Variants in DPP6 observed in about 807,000 individuals in gnomAD.
DPP6 encodes dipeptidyl peptidase like 6, also known as A-type potassium channel modulatory protein DPP6.
DPP6 carries 69 observed loss-of-function variants against 122.6 expected under a neutral mutation model. The observed-to-expected ratio is 0.56, with a 90% CI of 0.46 to 0.69. The LOEUF is 0.69. Among genes scored for constraint, DPP6 ranks in the 30% least tolerant of loss-of-function variants. DPP6 has a pLI of 0.00. For synonymous variants in DPP6, 418 were observed against 433.1 expected (o/e 0.97, Z 0.43); for missense variants, 928 against 1,116.9 (o/e 0.83, Z 2.41).
chr7:153,918,333 C>CT (rs1800416228), intron 1 of DPP6, among the ~76,000 whole-genome samples: 1 of 151,762 alleles, frequency 6.6e-6, no homozygotes, highest in South Asian at 2.1e-4. Flanking sequence ...GTTTATAGAC[C>CT]TTTTTCAGTT....
chr7:154,233,019 G>C (rs1261191940), intron 1 of DPP6, among the ~76,000 whole-genome samples: 4 of 152,210 alleles, frequency 2.6e-5, no homozygotes, highest in African/African-American at 4.8e-5. Context: ...ATTGCCAGTT[G>C]CTGTGTTTTG....
At chr7:154,722,873 G>T (rs184337977) in intron 7 of DPP6, among the ~76,000 whole-genome samples, 2 of 152,268 alleles carry the variant, frequency 1.3e-5, no homozygotes, top group East Asian at 3.9e-4. Context: ...TCAGCATCCA[G>T]GATTTCTCAG....
At chr7:154,098,422 A>T in intron 1 of DPP6, among the ~76,000 whole-genome samples, 1 of 152,352 alleles carries the variant, frequency 6.6e-6, no homozygotes, top group South Asian at 2.1e-4. Flanking sequence ...TAATACAGGT[A>T]TCAAAGAATT....
At chr7:154,083,497 C>CAGGG (rs1804183900) in intron 1 of DPP6, among the ~76,000 whole-genome samples, 1 of 151,004 alleles carries the variant, frequency 6.6e-6, no homozygotes, top group Non-Finnish European at 1.5e-5. Flanking sequence ...TCACCCAAGC[C>CAGGG]TCCATCATGC....
rs769337862 is a variant in DPP6, at chr7:153,964,954, CTCTT to C, written c.51+77231_51+77234del. Among the ~76,000 whole-genome samples the C allele has an allele frequency of 5.0e-3, 288 of 58,166 alleles. 34 individuals carry two copies. The highest frequency in any genetic ancestry group is 0.023 in the African/African-American group (236 of 10,364). The allele number at this position is 58,166 out of a possible 152,430, so 38.2% of individuals were successfully genotyped here. A position where few individuals can be genotyped will look rare whatever the true frequency, so the allele number is the denominator to read the frequency against. ...TCTTTCTTTCTTTTTCTTTCTTTCT[CTCTT>C]TCTTTCTTTCATTTCTTTTCCCTTC... On this transcript the variant is annotated intron_variant, in intron 1 of 25. Transcript: ENST00000404039.
intron 6 of DPP6, among the ~76,000 whole-genome samples, chr7:154,662,798 A>G (rs80117070): frequency 6.3e-4 from 16 of 25,348 alleles, no homozygotes; most frequent in Admixed American, 1.2e-3. Flanking sequence ...TGTAGTCAAG[A>G]TGAATCACCA....
chr7:154,270,101 G>A (rs1275480968), intron 1 of DPP6, among the ~76,000 whole-genome samples: 2 of 152,160 alleles, frequency 1.3e-5, no homozygotes, highest in Non-Finnish European at 2.9e-5. Flanking sequence ...CGAGTTAAAG[G>A]GGGAGGATTG....
At chr7:154,279,143 G>C (rs1804341409) in intron 1 of DPP6, among the ~76,000 whole-genome samples, 4 of 151,954 alleles carry the variant, frequency 2.6e-5, no homozygotes, top group Admixed American at 2.6e-4. Flanking sequence ...GTATCTATGT[G>C]TGTGTGCAGT....
At chr7:153,917,004 T>C (rs573869063) in intron 1 of DPP6, among the ~76,000 whole-genome samples, 24 of 152,360 alleles carry the variant, frequency 1.6e-4, no homozygotes, top group African/African-American at 5.8e-4. Context: ...AGAGCTTTGC[T>C]TTTCACACTC....
At chr7:154,867,817 G>A (rs984007107) in intron 17 of DPP6, among the ~76,000 whole-genome samples, 178 bp from the exon 18 acceptor site, 2 of 152,180 alleles carry the variant, frequency 1.3e-5, no homozygotes, top group African/African-American at 4.8e-5. Flanking sequence ...AGGCTTTTGA[G>A]CGCATAACTT....
At chr7:154,265,888 C>T (rs754370408) in intron 1 of DPP6, among the ~76,000 whole-genome samples, 1 of 151,990 alleles carries the variant, frequency 6.6e-6, no homozygotes, top group Non-Finnish European at 1.5e-5. Context: ...AGCAAAAGAT[C>T]AGACAAAATA....
chr7:154,365,381 C>T (rs996696978), intron 1 of DPP6, among the ~76,000 whole-genome samples: 12 of 152,062 alleles, frequency 7.9e-5, no homozygotes, highest in Non-Finnish European at 1.5e-4. Context: ...GGACAAGGTG[C>T]GATCTCCACT....
intron 1 of DPP6, among the ~76,000 whole-genome samples, chr7:154,273,276 G>A (rs1803913010): frequency 6.6e-6 from 1 of 152,186 alleles, no homozygotes; most frequent in Non-Finnish European, 1.5e-5. Context: ...AATAGGAAAG[G>A]AAGAGCTTCT....
chr7:153,817,754 C>A, the DPP6 span, among the ~76,000 whole-genome samples: 25 of 109,916 alleles, frequency 2.3e-4, no homozygotes, highest in African/African-American at 7.9e-4. Flanking sequence ...CATCACACAC[C>A]AGGGCCTGTC....
intron 1 of DPP6, among the ~76,000 whole-genome samples, chr7:154,260,981 C>T (rs901105250): frequency 1.3e-5 from 2 of 151,822 alleles, no homozygotes; most frequent in African/African-American, 4.8e-5. Flanking sequence ...CCGTAATCTC[C>T]GCCTCCTGGG....
intron 3 of DPP6, among the ~76,000 whole-genome samples, chr7:154,531,005 G>A (rs776187066): frequency 2.6e-5 from 4 of 152,094 alleles, no homozygotes; most frequent in Non-Finnish European, 4.4e-5. Flanking sequence ...GAGGGGAGGC[G>A]TTGGGGGAGG....
chr7:153,922,034 C>T (rs148578947), intron 1 of DPP6, among the ~76,000 whole-genome samples: 3 of 152,292 alleles, frequency 2.0e-5, no homozygotes, highest in East Asian at 1.9e-4. Context: ...TCAGGCCCAG[C>T]AACCCAAGGG....
rs74495057 is a variant in DPP6 at position 154,478,950 on chromosome 7, TTTTGTTTG to T, written c.457+3929_457+3936del. On this transcript the variant is annotated intron_variant, in intron 3 of 25. Transcript: ENST00000377770. ...ACAGAGGAAGAGACTTGATTTTGTT[TTTTGTTTG>T]TTTGTTTGTTTGTTTTTTAGTACAC... Among the ~76,000 whole-genome samples, 32 of 150,722 alleles carry T rather than the reference TTTTGTTTG, an allele frequency of 2.1e-4. 1 individual carries two copies. The South Asian group carries it at 6.2e-3, about 29-fold the overall frequency.
chr7:153,894,043 A>G (rs1259177760), intron 1 of DPP6, among the ~76,000 whole-genome samples: 2 of 152,132 alleles, frequency 1.3e-5, no homozygotes, highest in African/African-American at 2.4e-5. Flanking sequence ...AGCAGGTGCT[A>G]TGTGTCCCCA....
Sources: allele counts gnomAD v4.1 joint callset (sites outside exome capture counted in the v4.1 genomes callset), GRCh38; gene constraint gnomAD v4.1.1; transcripts MANE v1.5; gene names NCBI Gene and HGNC (gene_info 2026-07-23, HGNC 2026-07-21).